The following CCNH variants were observed in gnomAD, a reference collection of about 807,000 sequenced individuals.
The protein encoded by CCNH is cyclin-H.
Under a neutral mutation model 41.9 loss-of-function variants are expected in CCNH, and 31 were observed. The ratio of observed to expected loss-of-function variants is 0.74; its 90% CI spans 0.56 to 1.00. The LOEUF is 1.00. Among genes scored for constraint, CCNH ranks in the 50% least tolerant of loss-of-function variants. The pLI is 0.00. For missense variants in CCNH, 362 were observed against 388.4 expected (o/e 0.93, Z 0.57); for synonymous variants, 138 against 136.1 (o/e 1.01, Z -0.10).
intron 9 of CCNH, among the ~76,000 whole-genome samples, chr5:87,338,273 T>A (rs1758123875): frequency 6.6e-6 from 1 of 151,910 alleles, no homozygotes; most frequent in African/African-American, 2.4e-5. Context: ...CATATTATAA[T>A]ACATAGCTGC....
chr5:87,387,634 AGGTGT>A (rs1561331845), downstream of CCNH, among the ~76,000 whole-genome samples: 10 of 152,158 alleles, frequency 6.6e-5, no homozygotes, highest in African/African-American at 2.4e-4. Flanking sequence ...TTGGAGATTG[AGGTGT>A]CCATGTTCTG....
chr5:87,338,524 TATATATATAAA>T (rs1386830225), intron 9 of CCNH, among the ~76,000 whole-genome samples: 5 of 99,750 alleles, frequency 5.0e-5, no homozygotes, highest in Non-Finnish European at 1.1e-4. Context: ...TATATATATA[TATATATATAAA>T]ATTTTTTTTT....
chr5:87,369,629 CAT>C lies in CCNH; in HGVS notation c.*90+23139_*90+23140del, dbSNP rs377429588. Among the ~76,000 whole-genome samples, 33 of 152,078 alleles carry C rather than the reference CAT, an allele frequency of 2.2e-4. 1 individual carries two copies. The East Asian group carries it at 5.6e-3, about 26-fold the overall frequency. ...ACTGATAACATTTTAATAGTGCTGACATAAAGTTTTCTAAAATATATATAGCT... is the reference window on the plus strand; with the variant it reads ...ACTGATAACATTTTAATAGTGCTGACAAAGTTTTCTAAAATATATATAGCT... On this transcript the variant is annotated intron_variant and NMD_transcript_variant, in intron 9 of 9. Transcript: ENST00000645953.
intron 7 of CCNH, among the ~76,000 whole-genome samples, chr5:87,396,906 C>T (rs1291761724): frequency 6.6e-6 from 1 of 152,100 alleles, no homozygotes; most frequent in Non-Finnish European, 1.5e-5. Flanking sequence ...CAAAGGTAAA[C>T]AACTGCTAAG....
intron 3 of CCNH, among the ~76,000 whole-genome samples, chr5:87,408,576 A>C (rs1410448664): frequency 6.6e-6 from 1 of 152,176 alleles, no homozygotes; most frequent in African/African-American, 2.4e-5. Flanking sequence ...AAGTATGGGA[A>C]GAAAAGTAGG....
chr5:87,383,660 CATT>C, intron 9 of CCNH: 3 of 1,320,096 alleles, frequency 2.3e-6, no homozygotes, highest in Non-Finnish European at 2.1e-6. Flanking sequence ...TAATGTAACA[CATT>C]ATATAGGTGT....
chr5:87,392,957 C>T (rs1483125989), downstream of CCNH: 1 of 152,008 alleles, frequency 6.6e-6, no homozygotes, highest in Non-Finnish European at 1.5e-5. Flanking sequence ...TGTCTAGAGC[C>T]TAGCAGCAAT....
In CCNH at chr5:87,349,275, T is replaced by A. The variant is rs761904245; in HGVS notation, c.*91-30378A>T. ...ATAATACTCCTGGCGATTATTCACT[T>A]TATTTCCGGACCAATGAAAATATTC... On this transcript the variant is annotated intron_variant and NMD_transcript_variant, in intron 9 of 9. Coordinates refer to the CCNH transcript ENST00000645953. 1 of 1,612,270 alleles carries A rather than the reference T, an allele frequency of 6.2e-7. No homozygotes were observed. The highest frequency in any genetic ancestry group is 1.7e-5 in the Admixed American group (1 of 59,840).
At chr5:87,353,881 A>G (rs1732622909) in intron 9 of CCNH, among the ~76,000 whole-genome samples, 1 of 152,118 alleles carries the variant, frequency 6.6e-6, no homozygotes. Flanking sequence ...TTTCTTCCTC[A>G]TTGCACTTTC....
chr5:87,401,723 G>T lies in CCNH; in HGVS notation c.739C>A (p.Gln247Lys). ...TTACTTTTCATTATATCTAGTAACTGTGACAGGCAAGTTCTGTTCTCTTTC... is the reference window on the plus strand; with the variant it reads ...TTACTTTTCATTATATCTAGTAACTTTGACAGGCAAGTTCTGTTCTCTTTC... ...MLKENRTCLS[Q>K]LLDIMKSMRN... Residue 247 changes from glutamine to lysine, a missense_variant, in exon 6 of 9, where the codon CAG (glutamine) becomes AAG (lysine). Gln to Lys is a moderately conservative substitution (Grantham distance 53). Coordinates refer to ENST00000256897, the MANE Select transcript of CCNH (RefSeq NM_001239.4). 1 of 1,591,286 alleles carries T rather than the reference G, an allele frequency of 6.3e-7. No individual in the cohort carries two copies. The highest frequency in any genetic ancestry group is 8.5e-7 in the Non-Finnish European group (1 of 1,170,736).
chr5:87,409,240 T>C (rs1380017875), intron 3 of CCNH, 50 bp downstream of exon 3: 1 of 1,077,068 alleles, frequency 9.3e-7, no homozygotes, highest in Non-Finnish European at 1.4e-6. Flanking sequence ...ACTCAAAAGA[T>C]TATAAAGGTC....
At chr5:87,316,802 G>C (rs959707300), downstream of CCNH, among the ~76,000 whole-genome samples, 2 of 152,120 alleles carry the variant, frequency 1.3e-5, no homozygotes, top group Non-Finnish European at 2.9e-5. Flanking sequence ...GAGAAAAAGA[G>C]CTTTGGAAAT....
chr5:87,317,869 C>G (rs193225469), downstream of CCNH, among the ~76,000 whole-genome samples: 1 of 152,208 alleles, frequency 6.6e-6, no homozygotes, highest in East Asian at 1.9e-4. Flanking sequence ...CTCATGAGCT[C>G]AAGCAATCCG....
At chr5:87,345,390 G>A (rs1410587585) in intron 9 of CCNH, among the ~76,000 whole-genome samples, 2 of 152,148 alleles carry the variant, frequency 1.3e-5, no homozygotes, top group Admixed American at 1.3e-4. Flanking sequence ...AGAAGTAGAG[G>A]ATTAGCCTTG....
chr5:87,374,943 A>G, downstream of CCNH: 1 of 1,593,798 alleles, frequency 6.3e-7, no homozygotes. Flanking sequence ...ACTTTCTAAA[A>G]TAGAAAAAGC....
intron 9 of CCNH, chr5:87,331,162 G>A: frequency 1.1e-6 from 1 of 891,846 alleles, no homozygotes; most frequent in Non-Finnish European, 1.8e-6. Flanking sequence ...TAAAGACCAA[G>A]TAAATGAGTA....
At chr5:87,380,464 T>C, upstream of CCNH, 1 of 1,521,474 alleles carries the variant, frequency 6.6e-7, no homozygotes, top group Non-Finnish European at 9.1e-7. Flanking sequence ...GAGATCAGTG[T>C]TTTCACTTGC....
At chr5:87,384,300 T>G (rs1761924327) in intron 9 of CCNH, among the ~76,000 whole-genome samples, 1 of 152,102 alleles carries the variant, frequency 6.6e-6, no homozygotes, top group Non-Finnish European at 1.5e-5. Context: ...CTGATCCAGT[T>G]TTATTACCCA....
downstream of CCNH, chr5:87,390,711 T>C: frequency 9.4e-7 from 1 of 1,063,608 alleles, no homozygotes; most frequent in Non-Finnish European, 1.4e-6. Context: ...TCCTTTTGCT[T>C]TGATACAGTT....
Sources: allele counts gnomAD v4.1 joint callset (sites outside exome capture counted in the v4.1 genomes callset), GRCh38; gene constraint gnomAD v4.1.1; transcripts MANE v1.5; gene names NCBI Gene and HGNC (gene_info 2026-07-23, HGNC 2026-07-21).